ITPK1: variants seen among roughly 807,000 people sequenced by gnomAD.
ITPK1 encodes inositol 1,3,4-trisphosphate 5/6-kinase.
ITPK1 carries 21 observed loss-of-function variants against 45.3 expected under a neutral mutation model. The ratio of observed to expected loss-of-function variants is 0.46; its 90% CI spans 0.33 to 0.67. The LOEUF is 0.67. Ranked by LOEUF, ITPK1 falls within the 30% of genes least tolerant of loss-of-function variation. The pLI, the probability that ITPK1 is intolerant of heterozygous loss-of-function variation, is 0.02. For synonymous variants in ITPK1, 258 were observed against 253.6 expected, an observed-to-expected ratio of 1.02 and a Z score of -0.16; for missense variants, 474 against 573.5, an observed-to-expected ratio of 0.83 and a Z score of 1.77.
At chr14:92,983,504 C>A (rs1483281421) in intron 5 of ITPK1, among the ~76,000 whole-genome samples, 5 of 152,084 alleles carry the variant, frequency 3.3e-5, no homozygotes, top group African/African-American at 1.2e-4. Context: ...ATCAACAAGC[C>A]CAACAACTCA....
At chr14:93,086,253 G>A (rs1413866174) in intron 2 of ITPK1, among the ~76,000 whole-genome samples, 6 of 152,166 alleles carry the variant, frequency 3.9e-5, no homozygotes, top group Non-Finnish European at 7.3e-5. Flanking sequence ...CAGCATAAGT[G>A]TGTGTGTCCC....
At chr14:93,114,682 G>C (rs1892868730) in intron 2 of ITPK1, among the ~76,000 whole-genome samples, 1 of 152,170 alleles carries the variant, frequency 6.6e-6, no homozygotes, top group Non-Finnish European at 1.5e-5. Flanking sequence ...AAAGGGAAGG[G>C]GACGAAGGAA....
At chr14:93,100,943 G>T (rs1196489468) in intron 2 of ITPK1, among the ~76,000 whole-genome samples, 1 of 152,154 alleles carries the variant, frequency 6.6e-6, no homozygotes, top group African/African-American at 2.4e-5. Flanking sequence ...TCACAGAACT[G>T]CCCACGTCCC....
chr14:92,959,145 C>CG (rs1266135283), intron 7 of ITPK1, among the ~76,000 whole-genome samples: 1 of 152,160 alleles, frequency 6.6e-6, no homozygotes, highest in African/African-American at 2.4e-5. Flanking sequence ...GTAGGGAGTG[C>CG]AGGGGGGCAG....
At chr14:93,112,437 ATTTTTTTTTT>A (rs34131872) in intron 2 of ITPK1, among the ~76,000 whole-genome samples, 3 of 122,688 alleles carry the variant, frequency 2.4e-5, no homozygotes, top group African/African-American at 9.6e-5. Context: ...GAGCAGGGCC[ATTTTTTTTTT>A]TTTTTTTTTT....
chr14:93,105,193 G>C (rs1262728166), intron 2 of ITPK1, among the ~76,000 whole-genome samples: 1 of 152,136 alleles, frequency 6.6e-6, no homozygotes, highest in Non-Finnish European at 1.5e-5. Context: ...TGCCAGACTG[G>C]AGATTCCCAC....
intron 9 of ITPK1, among the ~76,000 whole-genome samples, chr14:92,949,955 G>T (rs1205237633): frequency 6.6e-6 from 1 of 152,160 alleles, no homozygotes; most frequent in Non-Finnish European, 1.5e-5. Context: ...CCGAGACCGT[G>T]CCCATACTGC....
At chr14:92,945,145 G>A (rs1018769017) in intron 10 of ITPK1, among the ~76,000 whole-genome samples, 1 of 152,260 alleles carries the variant, frequency 6.6e-6, no homozygotes, top group South Asian at 2.1e-4. Flanking sequence ...GGCAGGGCAT[G>A]GCAGTGGAGC....
At position 92,939,814 on chromosome 14, in the gene ITPK1, G is replaced by C. The variant is rs1442310825; in HGVS notation, c.*1747C>G. 1 of 985,752 alleles carries C rather than the reference G, an allele frequency of 1.0e-6. No homozygotes were observed. Among genetic ancestry groups the C allele is most frequent in the Non-Finnish European group, 1.2e-6 (1 of 829,912 alleles). The allele number at this position is 985,752 out of a possible 1,614,324, so 61.1% of individuals were successfully genotyped here. On this transcript the variant is annotated 3_prime_UTR_variant, in exon 11 of 11. Transcript: ENST00000267615. ...TTTATTAAACGTCTTTTAAGGACTGGGAGTATGACATAACAAACTTGAGCA... is the reference window on the plus strand; with the variant it reads ...TTTATTAAACGTCTTTTAAGGACTGCGAGTATGACATAACAAACTTGAGCA...
chr14:93,008,863 A>T (rs2139839784), intron 4 of ITPK1, among the ~76,000 whole-genome samples: 1 of 152,364 alleles, frequency 6.6e-6, no homozygotes, highest in African/African-American at 2.4e-5. Context: ...ACAAGATGTT[A>T]GTCCTCTTGG....
intron 3 of ITPK1, among the ~76,000 whole-genome samples, chr14:93,018,494 T>C (rs2139860624): frequency 6.6e-6 from 1 of 152,178 alleles, no homozygotes; most frequent in East Asian, 1.9e-4. Context: ...TCTTTCTTAC[T>C]GTTTGCCAGG....
At chr14:92,945,582 C>A (rs1490537491) in intron 10 of ITPK1, among the ~76,000 whole-genome samples, 1 of 152,248 alleles carries the variant, frequency 6.6e-6, no homozygotes, top group African/African-American at 2.4e-5. Flanking sequence ...TCAAGCGCGG[C>A]TCTGTCTCTG....
At chr14:93,080,243 G>A (rs1183193617) in intron 2 of ITPK1, among the ~76,000 whole-genome samples, 1 of 152,198 alleles carries the variant, frequency 6.6e-6, no homozygotes, top group South Asian at 2.1e-4. Flanking sequence ...GGGCGCTACA[G>A]GAAAACAATC....
intron 3 of ITPK1, chr14:93,069,071 C>G (rs150099213): frequency 1.3e-4 from 20 of 152,898 alleles, no homozygotes; most frequent in African/African-American, 4.8e-4. Context: ...TACCCAGGTA[C>G]CACACCCTGC....
At chr14:93,022,916 A>G (rs2139870631) in intron 3 of ITPK1, among the ~76,000 whole-genome samples, 1 of 152,370 alleles carries the variant, frequency 6.6e-6, no homozygotes, top group East Asian at 1.9e-4. Flanking sequence ...GATAGAGATA[A>G]GAGTAGGTGC....
intron 3 of ITPK1, among the ~76,000 whole-genome samples, chr14:93,073,178 C>A (rs1202550996): frequency 6.6e-6 from 1 of 152,228 alleles, no homozygotes; most frequent in African/African-American, 2.4e-5. Context: ...CCATGATTAT[C>A]CCCATTTTAC....
intron 2 of ITPK1, among the ~76,000 whole-genome samples, chr14:93,084,900 G>T (rs1362521079): frequency 6.6e-6 from 1 of 152,130 alleles, no homozygotes; most frequent in Non-Finnish European, 1.5e-5. Context: ...TCATCAAGAG[G>T]CAGGAATAAT....
At chr14:92,979,818 CTT>C (rs34155349) in intron 5 of ITPK1, among the ~76,000 whole-genome samples, 4 of 144,678 alleles carry the variant, frequency 2.8e-5, no homozygotes, top group Admixed American at 6.9e-5. Flanking sequence ...TTTTTAATCC[CTT>C]TTTTTTTTTT....
chr14:92,953,504 C>T (rs117113519), intron 8 of ITPK1, among the ~76,000 whole-genome samples: 3,772 of 152,314 alleles, frequency 0.025, 65 homozygotes, highest in Middle Eastern at 0.054. Flanking sequence ...TGGAACAGCT[C>T]GAGCAGCTGG....
Sources: allele counts gnomAD v4.1 joint callset (sites outside exome capture counted in the v4.1 genomes callset), GRCh38; gene constraint gnomAD v4.1.1; transcripts MANE v1.5; gene names NCBI Gene and HGNC (gene_info 2026-07-23, HGNC 2026-07-21).